ADAM23: variants seen among roughly 807,000 people sequenced by gnomAD.
ADAM23 encodes the protein ADAM metallopeptidase domain 23.
ADAM23 carries 33 observed loss-of-function variants against 120.1 expected under a neutral mutation model. That is an observed-to-expected ratio of 0.27 (90% CI 0.21 to 0.37). The LOEUF is 0.37. ADAM23 is among the 10% of genes least tolerant of loss of function. The pLI, the probability that ADAM23 is intolerant of heterozygous loss-of-function variation, is 1.00. For missense variants in ADAM23, 862 were observed against 1,058.2 expected (o/e 0.81, Z 2.57); for synonymous variants, 367 against 375.2 (o/e 0.98, Z 0.25).
intron 5 of ADAM23, among the ~76,000 whole-genome samples, chr2:206,542,578 G>A (rs1036551892): frequency 6.6e-6 from 1 of 152,096 alleles, no homozygotes; most frequent in Non-Finnish European, 1.5e-5. Flanking sequence ...CATTGACCTA[G>A]GGGTGGGCTC....
chr2:206,611,849 T>G (rs1008765550), intron 25 of ADAM23, among the ~76,000 whole-genome samples: 3 of 152,080 alleles, frequency 2.0e-5, no homozygotes, highest in South Asian at 4.1e-4. Context: ...GAGAGAGAGA[T>G]CTCGTTATCA....
intron 2 of ADAM23, among the ~76,000 whole-genome samples, 162 bp from the exon 3 acceptor site, chr2:206,481,070 A>G (rs533597701): frequency 2.6e-5 from 4 of 152,350 alleles, no homozygotes; most frequent in South Asian, 4.1e-4. Context: ...CAAAACCATG[A>G]TATTGTATCT....
At chr2:206,552,605 A>G (rs1055566348) in intron 9 of ADAM23, among the ~76,000 whole-genome samples, 6 of 152,078 alleles carry the variant, frequency 3.9e-5, no homozygotes, top group Non-Finnish European at 8.8e-5. Flanking sequence ...TAGGCTATCA[A>G]ATCTTTTAAG....
At chr2:206,590,188 C>A (rs968648866) in intron 21 of ADAM23, among the ~76,000 whole-genome samples, 2 of 152,052 alleles carry the variant, frequency 1.3e-5, no homozygotes, top group Non-Finnish European at 2.9e-5. Context: ...ACCTCCACCT[C>A]CTGGGTTCAA....
intron 24 of ADAM23, among the ~76,000 whole-genome samples, chr2:206,597,875 C>T (rs1401288229): frequency 6.6e-6 from 1 of 152,172 alleles, no homozygotes; most frequent in Admixed American, 6.5e-5. Context: ...CTGTAGTCCT[C>T]AATTCCTGAA....
chr2:206,536,351 C>T (rs1697175600), intron 4 of ADAM23, among the ~76,000 whole-genome samples: 2 of 151,460 alleles, frequency 1.3e-5, no homozygotes, highest in South Asian at 2.1e-4. Flanking sequence ...TTGCGGTGTT[C>T]GCCATTGAAA....
chr2:206,481,363 T>C (rs1695893085), intron 3 of ADAM23, 55 bp downstream of exon 3: 1 of 1,351,280 alleles, frequency 7.4e-7, no homozygotes. Flanking sequence ...GCTTTGTTTT[T>C]ATAATATCGG....
intron 6 of ADAM23, among the ~76,000 whole-genome samples, chr2:206,544,613 ATT>A (rs58554638): frequency 0.057 from 7,589 of 132,788 alleles, 332 homozygotes; most frequent in African/African-American, 0.14. Context: ...GGAGAGTTAA[ATT>A]TTTTTTTTTT....
At chr2:206,590,929 G>C (rs1698414249) in intron 21 of ADAM23, among the ~76,000 whole-genome samples, 1 of 152,142 alleles carries the variant, frequency 6.6e-6, no homozygotes, top group Admixed American at 6.5e-5. Flanking sequence ...AAAAGTTTGA[G>C]AGGCATTGGA....
intron 4 of ADAM23, among the ~76,000 whole-genome samples, chr2:206,534,463 A>C (rs1004027285): frequency 6.6e-6 from 1 of 151,674 alleles, no homozygotes; most frequent in East Asian, 1.9e-4. Context: ...GAACACACCC[A>C]TCACCTCACA....
chr2:206,467,172 G>A (rs529403394), intron 2 of ADAM23, among the ~76,000 whole-genome samples: 23 of 152,246 alleles, frequency 1.5e-4, no homozygotes, highest in Non-Finnish European at 2.9e-4. Flanking sequence ...CCCAAATCTC[G>A]TGTCCTTTTC....
intron 24 of ADAM23, among the ~76,000 whole-genome samples, chr2:206,598,169 A>G (rs774316043): frequency 2.4e-4 from 37 of 152,310 alleles, no homozygotes; most frequent in Non-Finnish European, 4.3e-4. Flanking sequence ...AGAGAAGCCA[A>G]GGTTCATTCT....
intron 25 of ADAM23, among the ~76,000 whole-genome samples, chr2:206,611,006 T>G (rs894967917): frequency 2.0e-5 from 3 of 152,202 alleles, no homozygotes; most frequent in Non-Finnish European, 2.9e-5. Context: ...TCTGAATAAT[T>G]GCCTTAATTA....
intron 2 of ADAM23, among the ~76,000 whole-genome samples, chr2:206,461,194 TG>T (rs1695411250): frequency 6.6e-6 from 1 of 151,704 alleles, no homozygotes; most frequent in African/African-American, 2.4e-5. Flanking sequence ...CCTGAGTAGC[TG>T]GGATGACAGG....
chr2:206,469,654 TA>T (rs1420940889), intron 2 of ADAM23, among the ~76,000 whole-genome samples: 1 of 152,196 alleles, frequency 6.6e-6, no homozygotes, highest in Non-Finnish European at 1.5e-5. Flanking sequence ...TCATTCAGAA[TA>T]AAAGGCAGAG....
chr2:206,540,198 A>C (rs1027059474), intron 4 of ADAM23, among the ~76,000 whole-genome samples: 2 of 148,226 alleles, frequency 1.3e-5, no homozygotes, highest in African/African-American at 2.5e-5. Flanking sequence ...AAAAGAAAAG[A>C]AAAGCAGCCC....
chr2:206,588,062 G>C, intron 19 of ADAM23, 29 bp from the exon 20 acceptor site: 1 of 1,612,778 alleles, frequency 6.2e-7, no homozygotes, highest in Non-Finnish European at 8.5e-7. Context: ...CTGACTCTGT[G>C]TGCCTCACAT....
chr2:206,613,635 C>T (rs1698878334), intron 25 of ADAM23, among the ~76,000 whole-genome samples: 2 of 152,174 alleles, frequency 1.3e-5, no homozygotes, highest in African/African-American at 4.8e-5. Flanking sequence ...CATGGAGACT[C>T]ATGACACCTA....
At chr2:206,549,189 C>G (rs1472534338) in intron 8 of ADAM23, among the ~76,000 whole-genome samples, 2 of 151,468 alleles carry the variant, frequency 1.3e-5, no homozygotes, top group African/African-American at 4.8e-5. Flanking sequence ...AATAGACCAC[C>G]AGCCATCAAA....
Sources: allele counts gnomAD v4.1 joint callset (sites outside exome capture counted in the v4.1 genomes callset), GRCh38; gene constraint gnomAD v4.1.1; transcripts MANE v1.5; gene names NCBI Gene and HGNC (gene_info 2026-07-23, HGNC 2026-07-21).